Variants in L3MBTL4 observed in about 807,000 individuals in gnomAD.
The protein encoded by L3MBTL4 is lethal(3)malignant brain tumor-like protein 4.
L3MBTL4 carries 70 observed loss-of-function variants against 84.5 expected under a neutral mutation model. The ratio of observed to expected loss-of-function variants is 0.83; its 90% confidence interval spans 0.68 to 1.01. The LOEUF (loss-of-function observed/expected upper bound fraction) is 1.01. Among genes scored for constraint, L3MBTL4 ranks in the 50% least tolerant of loss-of-function variants. The pLI is 0.00. For synonymous variants in L3MBTL4, 274 were observed against 259.8 expected, an observed-to-expected ratio of 1.05 and a Z score of -0.52; for missense variants, 715 against 754.8, an observed-to-expected ratio of 0.95 and a Z score of 0.62.
In L3MBTL4 at chr18:6,297,116, G is replaced by A. The variant is rs535543683; in HGVS notation, c.127+4787C>T. 2.8e-4 allele frequency among the ~76,000 whole-genome samples: 43 copies of A among 152,138 alleles called. 1 individual carries two copies. Among genetic ancestry groups the A allele is most frequent in the Non-Finnish European group, 5.6e-4 (38 of 68,024 alleles). The stretch of plus-strand genomic sequence containing the variant: ...ACACAATATTAGTGATTATCCATGA[G>A]GCGCTGGTGAGCTACACAAGAATAG... On this transcript the variant is annotated intron_variant, in intron 4 of 18. Coordinates refer to ENST00000317931, the MANE Select transcript of L3MBTL4 (RefSeq NM_001330559.2).
At chr18:6,071,971 C>G (rs982629021) in intron 16 of L3MBTL4, among the ~76,000 whole-genome samples, 1 of 151,870 alleles carries the variant, frequency 6.6e-6, no homozygotes, top group Non-Finnish European at 1.5e-5. Flanking sequence ...AATGATGGAG[C>G]ATATAAAAGG....
intron 10 of L3MBTL4, among the ~76,000 whole-genome samples, chr18:6,233,183 G>A (rs2146013875): frequency 6.6e-6 from 1 of 151,804 alleles, no homozygotes; most frequent in African/African-American, 2.4e-5. Context: ...AATAATAAGA[G>A]CTATTTATAA....
chr18:6,043,566 T>A (rs1390972608), intron 16 of L3MBTL4, among the ~76,000 whole-genome samples: 2 of 152,192 alleles, frequency 1.3e-5, no homozygotes, highest in Non-Finnish European at 2.9e-5. Flanking sequence ...AATAGGCTCT[T>A]AAGAGCCTCC....
At chr18:6,298,909 T>C (rs8091272) in intron 4 of L3MBTL4, among the ~76,000 whole-genome samples, 28,790 of 151,952 alleles carry the variant, frequency 0.19, 2,860 homozygotes, top group African/African-American at 0.23. Flanking sequence ...AAACCCTCAA[T>C]GCCCCAACAC....
intron 5 of L3MBTL4, among the ~76,000 whole-genome samples, chr18:6,252,556 C>A (rs1476825345): frequency 6.6e-6 from 1 of 152,134 alleles, no homozygotes; most frequent in Non-Finnish European, 1.5e-5. Context: ...GAGAGAGACC[C>A]TTTTATTTTT....
intron 16 of L3MBTL4, among the ~76,000 whole-genome samples, chr18:6,024,533 C>A (rs2055416411): frequency 6.6e-6 from 1 of 152,200 alleles, no homozygotes; most frequent in South Asian, 2.1e-4. Flanking sequence ...ATTATAGTCA[C>A]TAAAGCCCAC....
At chr18:6,329,284 G>A (rs1233515876) in intron 1 of L3MBTL4, among the ~76,000 whole-genome samples, 3 of 151,200 alleles carry the variant, frequency 2.0e-5, no homozygotes, top group African/African-American at 7.3e-5. Flanking sequence ...CTCCCGAGTA[G>A]CTGGGACTAC....
chr18:6,193,994 C>T (rs768965418), intron 12 of L3MBTL4, among the ~76,000 whole-genome samples: 5 of 151,958 alleles, frequency 3.3e-5, no homozygotes, highest in African/African-American at 7.3e-5. Context: ...TTTGTGGGGT[C>T]GAAGAAGGAA....
chr18:6,236,890 T>G (rs1001885516), intron 10 of L3MBTL4, among the ~76,000 whole-genome samples: 8 of 152,184 alleles, frequency 5.3e-5, no homozygotes, highest in Non-Finnish European at 1.2e-4. Context: ...GGCGAAAACA[T>G]TAAAAAACAG....
At chr18:5,996,430 G>C (rs2053969470) in intron 16 of L3MBTL4, among the ~76,000 whole-genome samples, 1 of 152,164 alleles carries the variant, frequency 6.6e-6, no homozygotes, top group Admixed American at 6.5e-5. Context: ...GTACGTTTTT[G>C]TTTTTGTTTT....
intron 16 of L3MBTL4, among the ~76,000 whole-genome samples, chr18:5,996,025 A>G (rs1306915814): frequency 6.6e-6 from 1 of 152,190 alleles, no homozygotes; most frequent in Non-Finnish European, 1.5e-5. Flanking sequence ...TTTACTGCAA[A>G]TATTTTGCTT....
intron 4 of L3MBTL4, among the ~76,000 whole-genome samples, chr18:6,280,817 G>A (rs1264700583): frequency 6.6e-6 from 1 of 152,150 alleles, no homozygotes; most frequent in Non-Finnish European, 1.5e-5. Context: ...ATCCGACCTT[G>A]CTAGTTTTGA....
At chr18:6,197,757 C>T (rs918603847) in intron 12 of L3MBTL4, among the ~76,000 whole-genome samples, 2 of 152,188 alleles carry the variant, frequency 1.3e-5, no homozygotes, top group African/African-American at 2.4e-5. Context: ...TCATCCACCT[C>T]GTCCTGGTGA....
At position 6,308,397 on chromosome 18, in the gene L3MBTL4, G is replaced by A. The variant is rs143693606; in HGVS notation, c.72+3157C>T. On this transcript the variant is annotated intron_variant, in intron 3 of 18. Transcript: ENST00000317931. Reference sequence around the variant, plus strand: ...TACCTAGTGGTTTATCAAAATTTACGAGCATATCCTTTGGTACAATAATTT... The same window carrying A: ...TACCTAGTGGTTTATCAAAATTTACAAGCATATCCTTTGGTACAATAATTT... 4.4e-4 allele frequency among the ~76,000 whole-genome samples: 67 copies of A among 152,238 alleles called. No homozygotes were observed. In the East Asian group the frequency reaches 0.011, roughly 25 times the overall value.
intron 8 of L3MBTL4, among the ~76,000 whole-genome samples, chr18:6,240,649 T>G (rs1315428846): frequency 6.6e-6 from 1 of 152,210 alleles, no homozygotes; most frequent in Non-Finnish European, 1.5e-5. Flanking sequence ...CCCTGATTTT[T>G]ATTCTCCTTC....
intron 1 of L3MBTL4, among the ~76,000 whole-genome samples, chr18:6,384,027 G>A (rs2054710248): frequency 6.6e-6 from 1 of 152,114 alleles, no homozygotes; most frequent in Admixed American, 6.6e-5. Context: ...ATCTCTAAGG[G>A]TGGAAGCCCA....
chr18:6,083,197 G>A (rs2058138816), intron 15 of L3MBTL4, among the ~76,000 whole-genome samples: 1 of 152,180 alleles, frequency 6.6e-6, no homozygotes, highest in African/African-American at 2.4e-5. Context: ...TTTATGGAAG[G>A]CACGGATAAA....
chr18:6,301,324 G>A (rs1489948780), intron 4 of L3MBTL4, among the ~76,000 whole-genome samples: 2 of 152,084 alleles, frequency 1.3e-5, no homozygotes, highest in Admixed American at 6.5e-5. Flanking sequence ...AGTAACAGCT[G>A]TCTCCTTGTG....
intron 16 of L3MBTL4, among the ~76,000 whole-genome samples, chr18:6,049,319 G>A (rs1373048838): frequency 1.3e-5 from 2 of 151,990 alleles, no homozygotes; most frequent in South Asian, 2.1e-4. Flanking sequence ...CCTACAAAAT[G>A]GGAGAAAATA....
Sources: gnomAD v4.1 joint callset for allele counts (sites outside exome capture counted in the v4.1 genomes callset) on GRCh38, gnomAD v4.1.1 for gene constraint, MANE v1.5 for transcripts, NCBI Gene and HGNC (gene_info 2026-07-23, HGNC 2026-07-21) for gene names.